KCNJ6: variants seen among roughly 807,000 people sequenced by gnomAD.
The protein encoded by KCNJ6 is potassium inwardly rectifying channel subfamily J member 6, also known as G protein-activated inward rectifier potassium channel 2.
A neutral mutation model predicts 34.2 loss-of-function variants in KCNJ6; 9 were observed. The observed-to-expected ratio is 0.26, with a 90% CI of 0.16 to 0.46. KCNJ6 has a LOEUF of 0.46. KCNJ6 is among the 20% of genes least tolerant of loss of function. KCNJ6 has a pLI of 1.00. For missense variants in KCNJ6, 236 were observed against 531.3 expected (o/e 0.44, Z 5.46); for synonymous variants, 196 against 207.1 (o/e 0.95, Z 0.46).
chr21:37,841,216 T>C (rs565747273), intron 1 of KCNJ6, among the ~76,000 whole-genome samples: 3 of 152,344 alleles, frequency 2.0e-5, no homozygotes, highest in South Asian at 2.1e-4. Context: ...TATAACCTTA[T>C]CTACTTTGGG....
intron 1 of KCNJ6, among the ~76,000 whole-genome samples, chr21:37,848,596 G>A (rs1364929741): frequency 6.6e-6 from 1 of 152,174 alleles, no homozygotes; most frequent in African/African-American, 2.4e-5. Flanking sequence ...ACCAGGGAGG[G>A]TCCTAATACA....
At chr21:37,771,244 A>T (rs2055116414) in intron 2 of KCNJ6, among the ~76,000 whole-genome samples, 1 of 152,190 alleles carries the variant, frequency 6.6e-6, no homozygotes, top group Non-Finnish European at 1.5e-5. Flanking sequence ...TATTTTGCAG[A>T]TATGATTAAA....
At chr21:37,730,112 G>A (rs1291596124) in intron 2 of KCNJ6, among the ~76,000 whole-genome samples, 1 of 152,194 alleles carries the variant, frequency 6.6e-6, no homozygotes, top group South Asian at 2.1e-4. Context: ...TTCCTTCTGA[G>A]AGCAAGAAGA....
chr21:37,756,629 A>G (rs151216860), intron 2 of KCNJ6, among the ~76,000 whole-genome samples: 5,407 of 49,344 alleles, frequency 0.11, 1 homozygote, highest in East Asian at 0.13. Flanking sequence ...ATTCCAGCCC[A>G]GAGTGAGCAC....
chr21:37,664,280 T>A (rs1212185720), intron 3 of KCNJ6, among the ~76,000 whole-genome samples: 1 of 151,894 alleles, frequency 6.6e-6, no homozygotes, highest in Non-Finnish European at 1.5e-5. Context: ...ACACCCACTT[T>A]AAGAAATTAG....
intron 1 of KCNJ6, among the ~76,000 whole-genome samples, chr21:37,894,360 T>G (rs764290384): frequency 6.6e-6 from 1 of 152,154 alleles, no homozygotes; most frequent in Non-Finnish European, 1.5e-5. Context: ...AAACACTAAC[T>G]TACAGCATAA....
chr21:37,755,917 A>C (rs996110436), intron 2 of KCNJ6, among the ~76,000 whole-genome samples: 3 of 152,242 alleles, frequency 2.0e-5, no homozygotes, highest in African/African-American at 7.2e-5. Flanking sequence ...TGTGAGTGCT[A>C]AATGCGGAAT....
chr21:37,849,328 C>T (rs1339468861), intron 1 of KCNJ6, among the ~76,000 whole-genome samples: 1 of 152,194 alleles, frequency 6.6e-6, no homozygotes, highest in African/African-American at 2.4e-5. Flanking sequence ...TCTCTGGGGG[C>T]TCTTATACCA....
chr21:37,713,455 A>G (rs1349824002), intron 3 of KCNJ6, among the ~76,000 whole-genome samples: 2 of 152,206 alleles, frequency 1.3e-5, no homozygotes, highest in African/African-American at 4.8e-5. Context: ...AAACATGGGC[A>G]GAACCTGCTT....
chr21:37,834,479 C>T (rs1306806117), intron 2 of KCNJ6, among the ~76,000 whole-genome samples: 5 of 152,244 alleles, frequency 3.3e-5, no homozygotes, highest in Admixed American at 1.3e-4. Context: ...TCTGCAAGAA[C>T]GCATGCCACA....
intron 2 of KCNJ6, among the ~76,000 whole-genome samples, chr21:37,800,757 G>A (rs188142765): frequency 6.1e-4 from 93 of 152,262 alleles, no homozygotes; most frequent in Middle Eastern, 3.4e-3. Flanking sequence ...GAATGAGTTC[G>A]TCTCTACTAA....
intron 2 of KCNJ6, among the ~76,000 whole-genome samples, chr21:37,729,526 G>C (rs1324778741): frequency 6.6e-6 from 1 of 152,144 alleles, no homozygotes; most frequent in African/African-American, 2.4e-5. Flanking sequence ...GTCTTGCCAT[G>C]ATGCTCAGGC....
chr21:37,639,221 ATT>A (rs2054370828), intron 3 of KCNJ6, among the ~76,000 whole-genome samples: 1 of 152,168 alleles, frequency 6.6e-6, no homozygotes, highest in South Asian at 2.1e-4. Flanking sequence ...CCCTCCTTTG[ATT>A]TTTCACTAGG....
intron 3 of KCNJ6, among the ~76,000 whole-genome samples, chr21:37,646,766 G>A (rs1354574487): frequency 6.6e-6 from 1 of 151,826 alleles, no homozygotes. Flanking sequence ...CGCCTCCCGG[G>A]TTCACGGCAT....
chr21:37,731,129 TTGTGTGCCTGCA>T (rs2054882856), intron 2 of KCNJ6, among the ~76,000 whole-genome samples: 1 of 131,974 alleles, frequency 7.6e-6, no homozygotes, highest in Non-Finnish European at 1.6e-5. Flanking sequence ...GTGTGTGTGT[TTGTGTGCCTGCA>T]TGTGTGTACA....
intron 2 of KCNJ6, among the ~76,000 whole-genome samples, chr21:37,761,416 GGTGT>G (rs1046144239): frequency 1.7e-4 from 26 of 150,240 alleles, no homozygotes; most frequent in Non-Finnish European, 2.8e-4. Context: ...TTGTGTATGT[GGTGT>G]GTGTGTTGTG....
intron 1 of KCNJ6, among the ~76,000 whole-genome samples, chr21:37,872,300 T>G (rs2055656377): frequency 6.6e-6 from 1 of 152,166 alleles, no homozygotes; most frequent in Admixed American, 6.5e-5. Flanking sequence ...TGCCTGATGT[T>G]CAAGAAGCCA....
At position 37,609,800 on chromosome 21, in the gene KCNJ6, C is replaced by T. The variant is rs2054236547; in HGVS notation, c.*15359G>A. On this transcript the variant is annotated 3_prime_UTR_variant, in exon 4 of 4. Transcript: ENST00000609713. ...GGTAGAGCTGGATTTGGGTTAAAAG[C>T]AAATTGTCAGTAGCCTGCTGGAGCT... is the stretch of plus-strand genomic sequence containing the variant. The T allele has an allele frequency of 6.6e-6, 1 of 152,142 alleles. No homozygotes were observed. The highest frequency in any genetic ancestry group is 2.1e-4 in the South Asian group (1 of 4,824). 9.4% of individuals were successfully genotyped at this position (152,142 alleles called of 1,614,324 possible).
intron 2 of KCNJ6, among the ~76,000 whole-genome samples, chr21:37,753,149 C>T (rs568649803): frequency 1.0e-3 from 156 of 152,256 alleles, no homozygotes; most frequent in Non-Finnish European, 1.6e-3. Context: ...ATGCCTGCAG[C>T]GTGTGCAGCT....
Sources: allele counts gnomAD v4.1 joint callset (sites outside exome capture counted in the v4.1 genomes callset), GRCh38; gene constraint gnomAD v4.1.1; transcripts MANE v1.5; gene names NCBI Gene and HGNC (gene_info 2026-07-23, HGNC 2026-07-21).